Variants in SCMH1 observed in about 807,000 individuals in gnomAD.
The protein encoded by SCMH1 is polycomb protein SCMH1.
A neutral mutation model predicts 70.8 loss-of-function variants in SCMH1; 37 were observed. That is an observed-to-expected ratio of 0.52 (90% CI 0.40 to 0.69). The LOEUF is 0.69. Ranked by LOEUF, SCMH1 falls within the 30% of genes least tolerant of loss-of-function variation. The pLI, the probability that SCMH1 is intolerant of heterozygous loss-of-function variation, is 0.00. For missense variants in SCMH1, 607 were observed against 827.3 expected (o/e 0.73, Z 3.27); for synonymous variants, 292 against 307.4 (o/e 0.95, Z 0.52).
At chr1:41,126,820 AT>A (rs1673295588) in intron 6 of SCMH1, among the ~76,000 whole-genome samples, 1 of 152,188 alleles carries the variant, frequency 6.6e-6, no homozygotes. Context: ...TTGCAAAAAA[AT>A]AACCATGTGT....
At position 41,231,449 on chromosome 1, in the gene SCMH1, G is replaced by A. The variant is rs146142163; in HGVS notation, c.-118+10610C>T. On this transcript the variant is annotated intron_variant, in intron 1 of 14. Coordinates refer to ENST00000337495, the Ensembl canonical transcript of SCMH1. Reference sequence around the variant, plus strand: ...TAGATTTACAGAAAAACTGCAGATAGCTCCCATATACCCTGTACTATTTCC... The same window carrying A: ...TAGATTTACAGAAAAACTGCAGATAACTCCCATATACCCTGTACTATTTCC... Among the ~76,000 whole-genome samples the A allele has an allele frequency of 6.1e-3, 925 of 152,184 alleles. 14 individuals are homozygous for A. The highest frequency in any genetic ancestry group is 0.021 in the African/African-American group (884 of 41,494).
chr1:41,169,902 G>A lies in SCMH1; in HGVS notation c.14-8470C>T, dbSNP rs573748309. On this transcript the variant is annotated intron_variant, in intron 2 of 14. Transcript: ENST00000337495. Reference sequence around the variant, plus strand: ...TGAGAGTTTTAGGATGTAGACCCTCGGTGGAAGCTGTGAAAGCTGAGGGAC... The same window carrying A: ...TGAGAGTTTTAGGATGTAGACCCTCAGTGGAAGCTGTGAAAGCTGAGGGAC... Among the ~76,000 whole-genome samples, 12 of 152,202 alleles carry A rather than the reference G, an allele frequency of 7.9e-5. No homozygotes were observed. In the South Asian group the frequency reaches 2.3e-3, roughly 29 times the overall value.
intron 4 of SCMH1, among the ~76,000 whole-genome samples, chr1:41,154,074 A>C (rs1489579520): frequency 2.0e-5 from 3 of 152,230 alleles, no homozygotes; most frequent in African/African-American, 7.2e-5. Flanking sequence ...TGTTCCACTC[A>C]AACTTTATTT....
At chr1:41,152,803 A>C in intron 4 of SCMH1, 3 of 1,423,808 alleles carry the variant, frequency 2.1e-6, no homozygotes, top group Non-Finnish European at 2.8e-6. Flanking sequence ...TGATGCCAAG[A>C]CTTTACACTC....
chr1:41,172,306 T>A, intron 2 of SCMH1, among the ~76,000 whole-genome samples: 2 of 148,610 alleles, frequency 1.3e-5, no homozygotes, highest in African/African-American at 2.5e-5. Flanking sequence ...AATGAACTAG[T>A]AAAAAAGAAA....
intron 6 of SCMH1, among the ~76,000 whole-genome samples, chr1:41,123,202 A>G (rs1672365735): frequency 6.6e-6 from 1 of 152,150 alleles, no homozygotes; most frequent in African/African-American, 2.4e-5. Context: ...AGCCTGAGTG[A>G]CACAGCGAGA....
intron 12 of SCMH1, among the ~76,000 whole-genome samples, chr1:41,040,002 T>C (rs754389710): frequency 6.6e-6 from 1 of 152,134 alleles, no homozygotes; most frequent in Admixed American, 6.5e-5. Flanking sequence ...AAAACAAACT[T>C]TGAAATCACT....
intron 1 of SCMH1, among the ~76,000 whole-genome samples, chr1:41,222,066 A>G (rs919792974): frequency 1.3e-5 from 2 of 152,016 alleles, no homozygotes; most frequent in Admixed American, 1.3e-4. Context: ...AGATATACCT[A>G]TATCTGGTTT....
chr1:41,170,288 C>G (rs944070099), intron 2 of SCMH1, among the ~76,000 whole-genome samples: 2 of 152,192 alleles, frequency 1.3e-5, no homozygotes, highest in African/African-American at 4.8e-5. Flanking sequence ...ACCCTCCTCT[C>G]CATGGGGAGA....
chr1:41,051,142 G>A (rs879270995), intron 10 of SCMH1, among the ~76,000 whole-genome samples: 22 of 152,146 alleles, frequency 1.4e-4, no homozygotes, highest in African/African-American at 4.6e-4. Flanking sequence ...ATGGCAGACT[G>A]CATATATGAC....
intron 8 of SCMH1, among the ~76,000 whole-genome samples, chr1:41,094,592 T>A (rs865934733): frequency 1.5e-3 from 230 of 151,962 alleles, no homozygotes; most frequent in African/African-American, 5.1e-3. Flanking sequence ...ATAATTTTTT[T>A]AAAAAGAAAA....
chr1:41,048,843 T>C (rs762161709), exon 11 of SCMH1: 2 of 1,614,186 alleles, frequency 1.2e-6, no homozygotes, highest in Admixed American at 3.3e-5. Flanking sequence ...ACCTTCTTCT[T>C]ATCTAAGTGG....
chr1:41,041,167 C>G (rs922400967), intron 12 of SCMH1: 2 of 152,112 alleles, frequency 1.3e-5, no homozygotes, highest in Non-Finnish European at 2.9e-5. Context: ...AAAATTCTTA[C>G]ACCAACGCAG....
At chr1:41,060,462 G>GA (rs766127875) in intron 10 of SCMH1, among the ~76,000 whole-genome samples, 119 of 124,810 alleles carry the variant, frequency 9.5e-4, no homozygotes, top group Middle Eastern at 8.5e-3. Flanking sequence ...ATGTGAGGGA[G>GA]AAAAAAAAAA....
chr1:41,038,604 G>A (rs1645646899), intron 12 of SCMH1, among the ~76,000 whole-genome samples: 1 of 152,140 alleles, frequency 6.6e-6, no homozygotes, highest in Admixed American at 6.5e-5. Flanking sequence ...AAAATTGCTT[G>A]GCAACTATGA....
intron 2 of SCMH1, 95 bp from the exon 3 acceptor site, chr1:41,161,527 T>C: frequency 7.5e-7 from 1 of 1,331,752 alleles, no homozygotes; most frequent in Non-Finnish European, 1.0e-6. Flanking sequence ...TTTAATAAAG[T>C]AATCCACTTC....
At chr1:41,240,591 T>C (rs1573352565) in intron 1 of SCMH1, among the ~76,000 whole-genome samples, 1 of 152,070 alleles carries the variant, frequency 6.6e-6, no homozygotes, top group South Asian at 2.1e-4. Context: ...TCTATTTGCC[T>C]GGCACATTAC....
At chr1:41,200,840 TAATAAAAGCTTTTCATGATAACAA>T (rs1432931671) in intron 1 of SCMH1, among the ~76,000 whole-genome samples, 1 of 152,186 alleles carries the variant, frequency 6.6e-6, no homozygotes, top group African/African-American at 2.4e-5. Flanking sequence ...AGGAGTCACC[TAATAAAAGCTTTTCATGATAACAA>T]AATGAACAGC....
At chr1:41,160,767 G>C in intron 4 of SCMH1, 108 bp downstream of exon 4, 1 of 1,034,356 alleles carries the variant, frequency 9.7e-7, no homozygotes, top group Non-Finnish European at 1.5e-6. Context: ...TGGTTTCTGA[G>C]ACAGAGACAC....
Sources: allele counts gnomAD v4.1 joint callset (sites outside exome capture counted in the v4.1 genomes callset), GRCh38; gene constraint gnomAD v4.1.1; transcripts MANE v1.5; gene names NCBI Gene and HGNC (gene_info 2026-07-23, HGNC 2026-07-21).